Variants in SPATS2 observed in about 807,000 individuals in gnomAD.
The protein encoded by SPATS2 is spermatogenesis associated serine rich 2, also known as spermatogenesis-associated serine-rich protein 2.
SPATS2 carries 38 observed loss-of-function variants against 63.7 expected under a neutral mutation model. The ratio of observed to expected loss-of-function variants is 0.60; its 90% CI spans 0.46 to 0.78. SPATS2 has a LOEUF of 0.78. SPATS2 is among the 30% of genes least tolerant of loss of function. The probability of loss-of-function intolerance (pLI) is 0.00; values close to 1 mark genes in which losing one functional copy is unlikely to be tolerated. For missense variants in SPATS2, 588 were observed against 666.2 expected (o/e 0.88, Z 1.29); for synonymous variants, 207 against 232.9 (o/e 0.89, Z 1.01).
intron 10 of SPATS2, among the ~76,000 whole-genome samples, chr12:49,516,921 A>G (rs1436848277): frequency 6.6e-6 from 1 of 152,144 alleles, no homozygotes; most frequent in Non-Finnish European, 1.5e-5. Flanking sequence ...TCATTTACCA[A>G]TGCTATCAAG....
At position 49,499,533 on chromosome 12, in the gene SPATS2, A is replaced by G. The variant is rs549379245; in HGVS notation, c.704-537A>G. ...TCTTTATACTCATGCACTGGTCCAC[A>G]CTCAGAATCCTCTGTGGATCTCCGT... On this transcript the variant is annotated intron_variant, in intron 8 of 13. Transcript: ENST00000552918. Among the ~76,000 whole-genome samples, 32 of 149,596 alleles carry G rather than the reference A, an allele frequency of 2.1e-4. 1 individual carries two copies. The South Asian group carries it at 4.0e-3, about 19-fold the overall frequency.
intron 3 of SPATS2, among the ~76,000 whole-genome samples, chr12:49,470,902 C>T (rs1176284850): frequency 1.3e-5 from 2 of 152,188 alleles, no homozygotes; most frequent in Admixed American, 6.5e-5. Flanking sequence ...TTTGTAGCTT[C>T]AAGGGAATAA....
At chr12:49,445,492 T>C (rs1380085626) in intron 2 of SPATS2, among the ~76,000 whole-genome samples, 5 of 151,906 alleles carry the variant, frequency 3.3e-5, no homozygotes, top group Non-Finnish European at 7.4e-5. Flanking sequence ...GGCTTGCATA[T>C]ATATATATAT....
intron 1 of SPATS2, among the ~76,000 whole-genome samples, chr12:49,368,990 A>C (rs2137122064): frequency 6.6e-6 from 1 of 151,910 alleles, no homozygotes; most frequent in Non-Finnish European, 1.5e-5. Context: ...TGAACAAAGC[A>C]AGAAATGAGT....
At chr12:49,414,327 A>G (rs1944848328) in intron 2 of SPATS2, among the ~76,000 whole-genome samples, 1 of 152,180 alleles carries the variant, frequency 6.6e-6, no homozygotes, top group African/African-American at 2.4e-5. Context: ...GAATTCTTAG[A>G]AGGCCTTTTG....
intron 9 of SPATS2, among the ~76,000 whole-genome samples, chr12:49,511,101 TGA>T (rs1946746087): frequency 6.6e-6 from 1 of 151,452 alleles, no homozygotes; most frequent in Non-Finnish European, 1.5e-5. Context: ...CTTGGGAGGC[TGA>T]GGCAGGAGAA....
chr12:49,494,974 T>C lies in SPATS2; in HGVS notation c.498T>C (p.Ser166=), dbSNP rs773454997. ...IDARELEDPE[S]AMLDTLDRTG... The stretch of plus-strand genomic sequence containing the variant: ...CCAGAGAATTGGAGGATCCCGAGTC[T>C]GCCATGCTAGATACGCTGGATAGAA... The change falls in exon 7 of 14, where the codon TCT becomes TCC. Residue 166 remains serine, a synonymous_variant. Transcript: ENST00000552918. The C allele has an allele frequency of 9.9e-6, 16 of 1,613,320 alleles. No homozygotes were observed. Among genetic ancestry groups the C allele is most frequent in the Non-Finnish European group, 1.2e-5 (14 of 1,179,688 alleles).
intron 2 of SPATS2, among the ~76,000 whole-genome samples, chr12:49,451,687 A>G: frequency 6.6e-6 from 1 of 152,186 alleles, no homozygotes; most frequent in East Asian, 1.9e-4. Flanking sequence ...CGTTATATGT[A>G]CCTACATATT....
chr12:49,455,424 C>G (rs1393044717), intron 2 of SPATS2, among the ~76,000 whole-genome samples: 1 of 152,196 alleles, frequency 6.6e-6, no homozygotes, highest in African/African-American at 2.4e-5. Context: ...TCTCTGTTTT[C>G]TGACACAGGA....
rs552308095 is a variant in SPATS2, at chr12:49,400,278, A to G, written c.-244+28988A>G. Among the ~76,000 whole-genome samples the G allele has an allele frequency of 2.0e-5, 3 of 152,238 alleles. No homozygotes were observed. The South Asian group carries it at 6.2e-4, about 32-fold the overall frequency. On this transcript the variant is annotated intron_variant, in intron 2 of 13. Coordinates refer to ENST00000552918, the MANE Select transcript of SPATS2 (RefSeq NM_023071.4). ...TTGATGGGAGAGGCTTTGGTAGGGT[A>G]ATCAGGAAGCAAAAGCCTCTTGGGG...
At chr12:49,502,152 C>G (rs1352248553) in intron 9 of SPATS2, among the ~76,000 whole-genome samples, 1 of 152,162 alleles carries the variant, frequency 6.6e-6, no homozygotes. Context: ...TTCTTGCTGC[C>G]TGTAGACTGT....
At chr12:49,493,079 C>G (rs750891998) in intron 6 of SPATS2, among the ~76,000 whole-genome samples, 3 of 121,594 alleles carry the variant, frequency 2.5e-5, no homozygotes, top group Non-Finnish European at 5.0e-5. Context: ...GCCTGGGCAA[C>G]AAGAGCGAAA....
intron 4 of SPATS2, chr12:49,486,260 A>G (rs1219095142): frequency 2.2e-6 from 1 of 451,288 alleles, no homozygotes; most frequent in South Asian, 1.6e-5. Flanking sequence ...GCTGGAGTGC[A>G]GTGGCGTGAT....
intron 9 of SPATS2, among the ~76,000 whole-genome samples, chr12:49,502,202 TTAGTC>T (rs1946577802): frequency 6.6e-6 from 1 of 152,178 alleles, no homozygotes; most frequent in African/African-American, 2.4e-5. Flanking sequence ...GTTCACAAAT[TTAGTC>T]TAGTCACTTT....
chr12:49,372,798 T>C lies in SPATS2; in HGVS notation c.-244+1508T>C, dbSNP rs560835325. Among the ~76,000 whole-genome samples, 100 of 152,206 alleles carry C rather than the reference T, an allele frequency of 6.6e-4. 1 individual carries two copies. The highest frequency in any genetic ancestry group is 2.4e-3 in the African/African-American group (98 of 41,540). ...GGAATACATAGAATAGAAAGTAAGA[T>C]TGGTTGAAGTCATTTGGCTCCATTT... On this transcript the variant is annotated intron_variant, in intron 2 of 13. Coordinates refer to ENST00000552918, the MANE Select transcript of SPATS2 (RefSeq NM_023071.4).
At chr12:49,403,361 C>T (rs566963893) in intron 2 of SPATS2, among the ~76,000 whole-genome samples, 8 of 152,098 alleles carry the variant, frequency 5.3e-5, no homozygotes, top group Non-Finnish European at 8.8e-5. Context: ...GGCGTGGTGG[C>T]TCATGCCTGT....
At chr12:49,489,623 T>A (rs746306528) in intron 5 of SPATS2, 50 bp downstream of exon 5, 1 of 1,517,144 alleles carries the variant, frequency 6.6e-7, no homozygotes, top group Non-Finnish European at 9.0e-7. Flanking sequence ...TCAAATAGAA[T>A]TTGCTTCAGA....
rs554769285 is a variant in SPATS2, at chr12:49,478,741, C to A, written c.26-5849C>A. 1.9e-3 allele frequency among the ~76,000 whole-genome samples: 286 copies of A among 152,260 alleles called. 1 individual carries two copies. The highest frequency in any genetic ancestry group is 6.5e-3 in the African/African-American group (271 of 41,542). ...TTAACTGGATCTTACCTCTTCTGGT[C>A]TTTCTTTGGCCATGGTGAAATTGTT... On this transcript the variant is annotated intron_variant, in intron 3 of 13. Coordinates refer to ENST00000552918, the MANE Select transcript of SPATS2 (RefSeq NM_023071.4).
intron 2 of SPATS2, among the ~76,000 whole-genome samples, chr12:49,449,818 C>T (rs1945585935): frequency 1.3e-5 from 2 of 152,146 alleles, no homozygotes; most frequent in Non-Finnish European, 1.5e-5. Context: ...CTGTCCCCAC[C>T]CTTGACACAT....
Sources: gnomAD v4.1 joint callset for allele counts (sites outside exome capture counted in the v4.1 genomes callset) on GRCh38, gnomAD v4.1.1 for gene constraint, MANE v1.5 for transcripts, NCBI Gene and HGNC (gene_info 2026-07-23, HGNC 2026-07-21) for gene names.